The following KCNB2 variants were observed in gnomAD, a reference collection of about 807,000 sequenced individuals.
KCNB2 encodes the protein delayed rectifier potassium channel protein.
A neutral mutation model predicts 61.5 loss-of-function variants in KCNB2; 15 were observed. That is an observed-to-expected ratio of 0.24 (90% CI 0.16 to 0.38). The LOEUF (loss-of-function observed/expected upper bound fraction) is 0.38, where lower values mean the gene tolerates loss of function less well. Among genes scored for constraint, KCNB2 ranks in the 10% least tolerant of loss-of-function variants. The pLI is 1.00. For missense variants in KCNB2, 828 were observed against 1,125.2 expected (o/e 0.74, Z 3.78); for synonymous variants, 457 against 446.0 (o/e 1.02, Z -0.31).
chr8:72,800,074 A>G (rs1368098743), intron 2 of KCNB2, among the ~76,000 whole-genome samples: 1 of 152,174 alleles, frequency 6.6e-6, no homozygotes, highest in Non-Finnish European at 1.5e-5. Context: ...TTAAACTTTG[A>G]AAGGTTTTGA....
At chr8:72,873,368 T>C (rs1459101092) in intron 2 of KCNB2, among the ~76,000 whole-genome samples, 1 of 152,174 alleles carries the variant, frequency 6.6e-6, no homozygotes, top group Non-Finnish European at 1.5e-5. Context: ...AGTCTGAGAG[T>C]CAACATGACT....
At chr8:72,893,987 G>A (rs1805944520) in intron 2 of KCNB2, among the ~76,000 whole-genome samples, 1 of 152,166 alleles carries the variant, frequency 6.6e-6, no homozygotes, top group Admixed American at 6.6e-5. Context: ...TGGGCACAGA[G>A]GACACAACAG....
chr8:72,818,590 G>A (rs1809443412), intron 2 of KCNB2, among the ~76,000 whole-genome samples: 1 of 152,164 alleles, frequency 6.6e-6, no homozygotes, highest in Non-Finnish European at 1.5e-5. Flanking sequence ...TAATAATGAT[G>A]TAAATCTTAA....
rs983654502 is a variant in KCNB2 at position 72,936,570 on chromosome 8, G to C, written c.1215G>C (p.Gly405=). The change falls in exon 3 of 3, where the codon GGG becomes GGC. Residue 405 remains glycine (G), a synonymous_variant. Transcript: ENST00000523207. This position sits in a 1 kb window ranked among gnomAD's most constrained non-coding sequence, Gnocchi z 5.6. ...KIVGGLCCIA[G]VLVIALPIPI... is the part of the protein sequence containing the mutation. ...TGGGAGGTCTGTGCTGTATTGCTGG[G>C]GTTCTGGTTATTGCCCTTCCTATCC... The C allele has an allele frequency of 2.5e-6, 4 of 1,614,014 alleles. No individual in the cohort carries two copies. The African/African-American group carries it at 4.0e-5, about 16-fold the overall frequency.
chr8:72,566,863 A>T (rs1002020985), intron 1 of KCNB2, among the ~76,000 whole-genome samples: 3 of 152,124 alleles, frequency 2.0e-5, no homozygotes, highest in African/African-American at 7.2e-5. Context: ...CTTGGTGCTT[A>T]TTTGGATGTG....
chr8:72,722,378 C>T (rs1304764394), intron 2 of KCNB2, among the ~76,000 whole-genome samples: 2 of 152,222 alleles, frequency 1.3e-5, no homozygotes, highest in Admixed American at 1.3e-4. Flanking sequence ...CCCAAAGGAC[C>T]TGCTGCCTAC....
In KCNB2 at chr8:72,820,558, T is replaced by C. The variant is rs1165646098; in HGVS notation, c.580-115377T>C. On this transcript the variant is annotated intron_variant, in intron 2 of 2. Transcript: ENST00000523207. ...TTCATAAAATTGTATCTAGATATAC[T>C]TCCCTGTATCTAACCTATGACTTTT... Among the ~76,000 whole-genome samples, 4 of 152,248 alleles carry C rather than the reference T, an allele frequency of 2.6e-5. No homozygotes were observed. The East Asian group carries it at 5.8e-4, about 22-fold the overall frequency.
intron 2 of KCNB2, among the ~76,000 whole-genome samples, chr8:72,709,123 T>G (rs1807282315): frequency 6.6e-6 from 1 of 152,208 alleles, no homozygotes; most frequent in South Asian, 2.1e-4. Context: ...CATATTTTCA[T>G]CAAGCAGCCA....
At chr8:72,781,015 T>C (rs1445701267) in intron 2 of KCNB2, among the ~76,000 whole-genome samples, 1 of 152,144 alleles carries the variant, frequency 6.6e-6, no homozygotes, top group Non-Finnish European at 1.5e-5. Flanking sequence ...GGCTGCACAA[T>C]TGTCTTCTTT....
At chr8:72,571,119 G>A (rs561234878) in intron 2 of KCNB2, among the ~76,000 whole-genome samples, 66 of 152,238 alleles carry the variant, frequency 4.3e-4, no homozygotes, top group Non-Finnish European at 9.4e-4. Flanking sequence ...GGAAAAACTT[G>A]ACCCTCTCTG....
chr8:72,907,679 C>T (rs1413232611), intron 2 of KCNB2, among the ~76,000 whole-genome samples: 1 of 152,186 alleles, frequency 6.6e-6, no homozygotes, highest in Non-Finnish European at 1.5e-5. Context: ...AAAGTTTCTG[C>T]AGTCAGACCT....
chr8:72,579,134 T>C (rs1286528457), intron 2 of KCNB2, among the ~76,000 whole-genome samples: 7 of 152,226 alleles, frequency 4.6e-5, no homozygotes, highest in African/African-American at 1.7e-4. Flanking sequence ...AATCTCTACA[T>C]ACCTGCTTCT....
At chr8:72,598,879 C>G (rs1807243105) in intron 2 of KCNB2, among the ~76,000 whole-genome samples, 1 of 152,106 alleles carries the variant, frequency 6.6e-6, no homozygotes, top group African/African-American at 2.4e-5. Flanking sequence ...ACCTAGGAAT[C>G]CAACTTACAA....
chr8:72,849,440 A>G (rs1810054592), intron 2 of KCNB2, among the ~76,000 whole-genome samples: 1 of 152,112 alleles, frequency 6.6e-6, no homozygotes, highest in Non-Finnish European at 1.5e-5. Flanking sequence ...CCTCCTGTCT[A>G]GCAGTTTTCA....
At chr8:72,631,630 C>T (rs1805884068) in intron 2 of KCNB2, among the ~76,000 whole-genome samples, 1 of 152,208 alleles carries the variant, frequency 6.6e-6, no homozygotes, top group Non-Finnish European at 1.5e-5. Flanking sequence ...TTCAACGTAA[C>T]TTTGTGGGGA....
chr8:72,815,474 A>G (rs558349016), intron 2 of KCNB2, among the ~76,000 whole-genome samples: 10 of 152,306 alleles, frequency 6.6e-5, no homozygotes, highest in African/African-American at 2.4e-4. Flanking sequence ...TTCATTCCCC[A>G]TAGACTATGC....
At chr8:72,738,056 T>C (rs1382646433) in intron 2 of KCNB2, among the ~76,000 whole-genome samples, 1 of 152,176 alleles carries the variant, frequency 6.6e-6, no homozygotes, top group African/African-American at 2.4e-5. Context: ...TGACATACTC[T>C]AAACCAATAT....
At chr8:72,909,443 G>T (rs868426658) in intron 2 of KCNB2, among the ~76,000 whole-genome samples, 3 of 152,076 alleles carry the variant, frequency 2.0e-5, no homozygotes, top group Non-Finnish European at 2.9e-5. Flanking sequence ...AAGGCACAGG[G>T]GCAAAAGGTG....
At position 72,932,416 on chromosome 8, in the gene KCNB2, G is replaced by T. The variant is rs566507114; in HGVS notation, c.580-3519G>T. Among the ~76,000 whole-genome samples the T allele has an allele frequency of 1.3e-5, 2 of 152,172 alleles. 1 individual carries two copies. The highest frequency in any genetic ancestry group is 1.3e-4 in the Admixed American group (2 of 15,278). On this transcript the variant is annotated intron_variant, in intron 2 of 2. Transcript: ENST00000523207. The stretch of plus-strand genomic sequence containing the variant: ...AATCTAAATGGGTCCAGGTGCTGGG[G>T]TGGTTACCCTTGTCTCCTGCTAAAT...
Sources: allele counts gnomAD v4.1 joint callset (sites outside exome capture counted in the v4.1 genomes callset), GRCh38; gene constraint gnomAD v4.1.1; non-coding constraint Gnocchi (gnomAD v3.1); transcripts MANE v1.5; gene names NCBI Gene and HGNC (gene_info 2026-07-23, HGNC 2026-07-21).